The following RHBDL3 variants were observed in gnomAD, a reference collection of about 807,000 sequenced individuals.
The protein encoded by RHBDL3 is rhomboid like 3.
In RHBDL3, 28 loss-of-function variants were observed where a neutral mutation model predicts 48.2. The ratio of observed to expected loss-of-function variants is 0.58; its 90% CI spans 0.43 to 0.80. RHBDL3 has a LOEUF of 0.80. Ranked by LOEUF, RHBDL3 falls within the 30% of genes least tolerant of loss-of-function variation. The pLI is 0.00. For synonymous variants in RHBDL3, 208 were observed against 232.3 expected (o/e 0.90, Z 0.95); for missense variants, 464 against 542.7 (o/e 0.85, Z 1.44).
At chr17:32,316,619 G>A (rs928596905) in intron 8 of RHBDL3, among the ~76,000 whole-genome samples, 2 of 151,782 alleles carry the variant, frequency 1.3e-5, no homozygotes, top group Admixed American at 6.6e-5. Context: ...CCTGGGCTCC[G>A]GTGATCCTCC....
Position 32,294,443 on chromosome 17 carries a change from G to GT in RHBDL3, c.668+2dup. 6.2e-7 allele frequency: 1 copy of GT among 1,613,220 alleles called. No homozygotes were observed. The highest frequency in any genetic ancestry group is 8.5e-7 in the Non-Finnish European group (1 of 1,179,650). ...TGACATACATCTTCATGCATGCAGG[G>GT]TGAGTACCTGTCTTCTTTTGCTCTG... On this transcript the variant is annotated splice_donor_variant, in intron 5 of 8. Transcript: ENST00000269051. LOFTEE classifies it high-confidence loss of function.
At position 32,268,270 on chromosome 17, in the gene RHBDL3, G is replaced by A. The variant is rs148986879; in HGVS notation, c.135+345G>A. Among the ~76,000 whole-genome samples, 795 of 152,272 alleles carry A rather than the reference G, an allele frequency of 5.2e-3. 11 individuals are homozygous for A. Among genetic ancestry groups the A allele is most frequent in the African/African-American group, 0.018 (728 of 41,538 alleles). ...CTGGAGAGGTGGGGGAAGGGCTTGG[G>A]CTGACAATCCCTCTCCGTTTCTACC... On this transcript the variant is annotated intron_variant, in intron 2 of 8. Transcript: ENST00000269051.
At position 32,294,397 on chromosome 17, in the gene RHBDL3, G is replaced by A. The variant is rs142037145; in HGVS notation, c.623G>A (p.Arg208Gln). The A allele has an allele frequency of 1.2e-6, 2 of 1,614,122 alleles. No individual in the cohort carries two copies. Among genetic ancestry groups the A allele is most frequent in the South Asian group, 1.1e-5 (1 of 91,068 alleles). The stretch of plus-strand genomic sequence containing the variant: ...TCCCTGGTTTACCACCCACAGCTGC[G>A]AGCACAGGTTTGGCGCTACCTGACA... ...KNSLVYHPQL[R>Q]AQVWRYLTYI... Residue 208 changes from arginine (R) to glutamine (Q), a missense_variant, in exon 5 of 9, where the codon CGA (arginine) becomes CAA (glutamine). Physicochemically the swap from Arg to Gln is conservative, Grantham distance 43. Coordinates refer to ENST00000269051, the MANE Select transcript of RHBDL3 (RefSeq NM_138328.3).
intron 4 of RHBDL3, among the ~76,000 whole-genome samples, chr17:32,289,405 A>G (rs1239612347): frequency 2.6e-5 from 4 of 152,152 alleles, no homozygotes; most frequent in East Asian, 3.8e-4. Context: ...TAGGTGGGTA[A>G]TGTGGACCAG....
chr17:32,267,443 G>GGGA (rs1321778952), intron 1 of RHBDL3, among the ~76,000 whole-genome samples: 1 of 151,764 alleles, frequency 6.6e-6, no homozygotes, highest in African/African-American at 2.4e-5. Flanking sequence ...GGGGGGAGGG[G>GGGA]GGGGCTCTAG....
intron 5 of RHBDL3, among the ~76,000 whole-genome samples, chr17:32,296,703 A>C (rs960979410): frequency 3.3e-5 from 5 of 151,960 alleles, no homozygotes; most frequent in East Asian, 1.9e-4. Flanking sequence ...TTGAATTATT[A>C]AGTTATAAGA....
In RHBDL3 at chr17:32,306,463, A is replaced by AG. The variant is rs201010936; in HGVS notation, c.882+1028dup. 1.1e-3 allele frequency among the ~76,000 whole-genome samples: 164 copies of AG among 152,156 alleles called. No homozygotes were observed. The East Asian group carries it at 0.019, about 18-fold the overall frequency. On this transcript the variant is annotated intron_variant, in intron 7 of 8. Coordinates refer to ENST00000269051, the MANE Select transcript of RHBDL3 (RefSeq NM_138328.3). The stretch of plus-strand genomic sequence containing the variant: ...TTCCCCTATCCCAGTCTGTCATGGG[A>AG]GGGGGGCACCACTCCATTTCTCACC...
rs932226216 is a variant in RHBDL3, at chr17:32,294,440, A to G, written c.666A>G (p.Ala222=). 2 of 1,613,768 alleles carry G rather than the reference A, an allele frequency of 1.2e-6. No individual in the cohort carries two copies. Among genetic ancestry groups the G allele is most frequent in the Admixed American group, 3.3e-5 (2 of 59,950 alleles). Residue 222 remains alanine (A), a splice_region_variant and synonymous_variant, in exon 5 of 9, where the codon GCA becomes GCG. Transcript: ENST00000269051. The stretch of plus-strand genomic sequence containing the variant: ...ACCTGACATACATCTTCATGCATGC[A>G]GGGTGAGTACCTGTCTTCTTTTGCT... The part of the protein sequence containing the change: ...WRYLTYIFMH[A]GIEHLGLNVV...
chr17:32,316,825 TTATTTTATTTTA>T (rs1461596930), intron 8 of RHBDL3, among the ~76,000 whole-genome samples: 1 of 150,832 alleles, frequency 6.6e-6, no homozygotes, highest in Non-Finnish European at 1.5e-5. Context: ...GCCTTTTATT[TTATTTTATTTTA>T]TATTTTATTT....
At chr17:32,284,378 C>A in intron 2 of RHBDL3, 1 of 357,380 alleles carries the variant, frequency 2.8e-6, no homozygotes. Context: ...ATTCGCACTT[C>A]CCTCTCCATG....
intron 4 of RHBDL3, among the ~76,000 whole-genome samples, chr17:32,290,492 T>C (rs1388555650): frequency 6.6e-6 from 1 of 152,058 alleles, no homozygotes; most frequent in Non-Finnish European, 1.5e-5. Flanking sequence ...GAAATAACGA[T>C]CTCGAAGCCC....
At chr17:32,303,352 G>A (rs2040631348) in intron 6 of RHBDL3, among the ~76,000 whole-genome samples, 1 of 152,200 alleles carries the variant, frequency 6.6e-6, no homozygotes, top group African/African-American at 2.4e-5. Context: ...AGCTTGGGCA[G>A]CCAGCCCTCA....
intron 5 of RHBDL3, among the ~76,000 whole-genome samples, chr17:32,295,265 G>A (rs2040421344): frequency 6.6e-6 from 1 of 152,228 alleles, no homozygotes; most frequent in Admixed American, 6.5e-5. Context: ...CAATGGCCAA[G>A]AGGGAGTTGT....
At chr17:32,268,015 G>T (rs2039678864) in intron 2 of RHBDL3, 90 bp downstream of exon 2, 2 of 983,240 alleles carry the variant, frequency 2.0e-6, no homozygotes, top group Non-Finnish European at 3.3e-6. Flanking sequence ...CTAGCTCCGC[G>T]CTCCTGAGAT....
At chr17:32,307,843 T>G (rs2040747494) in intron 7 of RHBDL3, among the ~76,000 whole-genome samples, 1 of 150,900 alleles carries the variant, frequency 6.6e-6, no homozygotes, top group African/African-American at 2.4e-5. Flanking sequence ...CACTCCCCCC[T>G]CCCCCTGCCC....
intron 2 of RHBDL3, among the ~76,000 whole-genome samples, chr17:32,268,754 T>C (rs2039695470): frequency 6.6e-6 from 1 of 152,030 alleles, no homozygotes; most frequent in African/African-American, 2.4e-5. Context: ...AGCTGAAAAA[T>C]TAGCTTGAAC....
At chr17:32,283,355 T>C (rs1188987999) in intron 2 of RHBDL3, among the ~76,000 whole-genome samples, 2 of 135,954 alleles carry the variant, frequency 1.5e-5, no homozygotes, top group Non-Finnish European at 3.1e-5. Flanking sequence ...GGAGTCTCGC[T>C]GTGTTGCCCA....
intron 6 of RHBDL3, among the ~76,000 whole-genome samples, chr17:32,299,657 A>G (rs919669806): frequency 6.6e-6 from 1 of 152,198 alleles, no homozygotes; most frequent in African/African-American, 2.4e-5. Context: ...TAAGATTCAA[A>G]TGGACTCAGA....
chr17:32,266,117 C>G lies in RHBDL3; in HGVS notation c.-73C>G. ...TGAGCCCCTGGAGCGGCGCGGCCGC[C>G]GCGGCGCAAAGTTAGCCCGGCGCCC... On this transcript the variant is annotated 5_prime_UTR_variant, in exon 1 of 9. Coordinates refer to ENST00000269051, the MANE Select transcript of RHBDL3 (RefSeq NM_138328.3). 4.6e-6 allele frequency: 2 copies of G among 439,340 alleles called. No individual in the cohort carries two copies. The highest frequency in any genetic ancestry group is 6.1e-6 in the Non-Finnish European group (2 of 325,304). The allele number at this position is 439,340 out of a possible 1,614,324, so 27.2% of individuals were successfully genotyped here. A position where few individuals can be genotyped will look rare whatever the true frequency, so the allele number is the denominator to read the frequency against.
Sources: gnomAD v4.1 joint callset for allele counts (sites outside exome capture counted in the v4.1 genomes callset) on GRCh38, gnomAD v4.1.1 for gene constraint, MANE v1.5 for transcripts, NCBI Gene and HGNC (gene_info 2026-07-23, HGNC 2026-07-21) for gene names.